KCNIP4: variants seen among roughly 807,000 people sequenced by gnomAD.
KCNIP4 encodes the protein Kv channel-interacting protein 4.
Under a neutral mutation model 34.0 loss-of-function variants are expected in KCNIP4, and 12 were observed. That is an observed-to-expected ratio of 0.35 (90% CI 0.23 to 0.57). KCNIP4 has a LOEUF of 0.57. KCNIP4 is among the 20% of genes least tolerant of loss of function. The pLI is 0.83. For synonymous variants in KCNIP4, 124 were observed against 102.2 expected (o/e 1.21, Z -1.29); for missense variants, 238 against 311.7 (o/e 0.76, Z 1.78).
intron 1 of KCNIP4, among the ~76,000 whole-genome samples, chr4:21,410,420 C>A (rs1485433986): frequency 2.6e-5 from 4 of 152,128 alleles, no homozygotes; most frequent in African/African-American, 9.7e-5. Flanking sequence ...CGGGATGTAG[C>A]TTCTGCCTGG....
intron 1 of KCNIP4, among the ~76,000 whole-genome samples, chr4:21,605,520 G>A (rs1050992180): frequency 5.3e-5 from 8 of 151,824 alleles, no homozygotes; most frequent in Admixed American, 3.9e-4. Context: ...TCACTCTGTC[G>A]CCCAGGCTGG....
intron 1 of KCNIP4, among the ~76,000 whole-genome samples, chr4:21,401,132 C>A (rs1348156411): frequency 6.6e-6 from 1 of 151,900 alleles, no homozygotes; most frequent in Non-Finnish European, 1.5e-5. Flanking sequence ...CTGCACTCAG[C>A]CAAAAAAGAA....
chr4:20,777,850 A>G (rs903996251), intron 3 of KCNIP4, among the ~76,000 whole-genome samples: 3 of 152,246 alleles, frequency 2.0e-5, no homozygotes, highest in Admixed American at 6.5e-5. Context: ...GTCAAAGCTT[A>G]CAGCTATCAG....
chr4:21,153,554 T>C (rs1345763460), intron 1 of KCNIP4, among the ~76,000 whole-genome samples: 1 of 148,272 alleles, frequency 6.7e-6, no homozygotes. Flanking sequence ...CTTTACTTGC[T>C]TTTCTATGAA....
At chr4:21,672,467 G>A (rs1749579597) in intron 1 of KCNIP4, among the ~76,000 whole-genome samples, 1 of 152,138 alleles carries the variant, frequency 6.6e-6, no homozygotes. Context: ...AATTGTTACA[G>A]GCTGGATCTG....
chr4:21,735,323 A>G (rs938871124), intron 1 of KCNIP4, among the ~76,000 whole-genome samples: 3 of 152,224 alleles, frequency 2.0e-5, no homozygotes. Context: ...AATTATTAAA[A>G]ATTAAATTGG....
chr4:21,176,038 C>T (rs1754383675), intron 1 of KCNIP4, among the ~76,000 whole-genome samples: 1 of 152,062 alleles, frequency 6.6e-6, no homozygotes, highest in Non-Finnish European at 1.5e-5. Context: ...AGAATAAAAC[C>T]TTTCTTGCCT....
chr4:21,016,236 C>T (rs1018563315), intron 1 of KCNIP4, among the ~76,000 whole-genome samples: 1 of 151,036 alleles, frequency 6.6e-6, no homozygotes, highest in Non-Finnish European at 1.5e-5. Flanking sequence ...TCCAAATATA[C>T]CCTTTTATTT....
At chr4:21,405,243 G>C (rs577799200) in intron 1 of KCNIP4, among the ~76,000 whole-genome samples, 2 of 152,234 alleles carry the variant, frequency 1.3e-5, no homozygotes, top group East Asian at 3.9e-4. Flanking sequence ...ACTTTCTCAT[G>C]CCATGTTTGG....
At chr4:21,733,348 T>C (rs554180762) in intron 1 of KCNIP4, among the ~76,000 whole-genome samples, 1 of 152,306 alleles carries the variant, frequency 6.6e-6, no homozygotes, top group South Asian at 2.1e-4. Flanking sequence ...GGGAGATTTC[T>C]CAGATGGTCT....
chr4:21,761,028 T>A (rs1718013269), intron 1 of KCNIP4, among the ~76,000 whole-genome samples: 2 of 152,288 alleles, frequency 1.3e-5, no homozygotes, highest in Admixed American at 6.5e-5. Flanking sequence ...TTTGCACTTG[T>A]AAAAACTGAC....
At chr4:21,898,449 G>A (rs1654307494) in intron 1 of KCNIP4, among the ~76,000 whole-genome samples, 1 of 152,102 alleles carries the variant, frequency 6.6e-6, no homozygotes, top group Non-Finnish European at 1.5e-5. Flanking sequence ...TGCCAGTTCA[G>A]CCACAGCAGG....
At chr4:21,499,204 G>A (rs1299054837) in intron 1 of KCNIP4, among the ~76,000 whole-genome samples, 7 of 151,614 alleles carry the variant, frequency 4.6e-5, no homozygotes, top group African/African-American at 7.3e-5. Context: ...GGTGGCATGC[G>A]CCTGTAATCC....
chr4:20,948,986 T>G (rs529430600), intron 1 of KCNIP4, among the ~76,000 whole-genome samples: 2 of 152,276 alleles, frequency 1.3e-5, no homozygotes, highest in South Asian at 2.1e-4. Flanking sequence ...CTGCCACCCC[T>G]TTTGTATGGC....
At chr4:21,195,334 A>C (rs1755978772) in intron 1 of KCNIP4, among the ~76,000 whole-genome samples, 2 of 152,218 alleles carry the variant, frequency 1.3e-5, no homozygotes, top group African/African-American at 4.8e-5. Flanking sequence ...AAATATTAAT[A>C]CAGATAAAGT....
chr4:21,751,034 C>T (rs1186328572), intron 1 of KCNIP4, among the ~76,000 whole-genome samples: 1 of 151,962 alleles, frequency 6.6e-6, no homozygotes, highest in Middle Eastern at 3.2e-3. Flanking sequence ...ATTATTTAGG[C>T]CTTGCAAAAA....
intron 1 of KCNIP4, among the ~76,000 whole-genome samples, chr4:21,514,649 G>C (rs1230870280): frequency 6.6e-6 from 1 of 151,804 alleles, no homozygotes; most frequent in African/African-American, 2.4e-5. Flanking sequence ...GAAGAAACAA[G>C]ATAAAAATAA....
chr4:21,569,062 C>T (rs145823242), intron 1 of KCNIP4, among the ~76,000 whole-genome samples: 1 of 151,706 alleles, frequency 6.6e-6, no homozygotes, highest in Non-Finnish European at 1.5e-5. Flanking sequence ...ATGCCTTGAT[C>T]TCAGATTTTG....
At chr4:21,005,203 T>G (rs538182556) in intron 1 of KCNIP4, among the ~76,000 whole-genome samples, 109 of 152,294 alleles carry the variant, frequency 7.2e-4, no homozygotes, top group African/African-American at 2.5e-3. Context: ...TAATGTTAGC[T>G]GCAGATCAGA....
Sources: allele counts gnomAD v4.1 joint callset (sites outside exome capture counted in the v4.1 genomes callset), GRCh38; gene constraint gnomAD v4.1.1; transcripts MANE v1.5; gene names NCBI Gene and HGNC (gene_info 2026-07-23, HGNC 2026-07-21).